The following DENND4A variants were observed in gnomAD, a reference collection of about 807,000 sequenced individuals.
The protein encoded by DENND4A is DENN domain containing 4A.
Under a neutral mutation model 199.3 loss-of-function variants are expected in DENND4A, and 70 were observed. The observed-to-expected ratio is 0.35, with a 90% CI of 0.29 to 0.43. The LOEUF is 0.43. Among genes scored for constraint, DENND4A ranks in the 20% least tolerant of loss-of-function variants. The probability of loss-of-function intolerance (pLI) is 1.00; values close to 1 mark genes in which losing one functional copy is unlikely to be tolerated. For missense variants in DENND4A, 1,723 were observed against 2,255.8 expected (o/e 0.76, Z 4.78); for synonymous variants, 686 against 766.9 (o/e 0.89, Z 1.74).
intron 1 of DENND4A, among the ~76,000 whole-genome samples, chr15:65,763,679 C>CA (rs11357605): frequency 0.037 from 3,227 of 86,634 alleles, 77 homozygotes; most frequent in Non-Finnish European, 0.052. Flanking sequence ...GACCTTGTCT[C>CA]AAAAAAAAAA....
At chr15:65,784,622 T>C (rs1329990969) in intron 1 of DENND4A, among the ~76,000 whole-genome samples, 1 of 152,178 alleles carries the variant, frequency 6.6e-6, no homozygotes, top group Non-Finnish European at 1.5e-5. Context: ...AAGGCATGTA[T>C]AGTGGGTTGG....
At chr15:65,725,021 C>T (rs1218079693) in intron 11 of DENND4A, among the ~76,000 whole-genome samples, 3 of 152,202 alleles carry the variant, frequency 2.0e-5, no homozygotes, top group Non-Finnish European at 4.4e-5. Flanking sequence ...CTGATCACAT[C>T]TAATTACTGT....
chr15:65,695,118 A>T (rs747792934), intron 22 of DENND4A, among the ~76,000 whole-genome samples: 8 of 152,210 alleles, frequency 5.3e-5, no homozygotes, highest in Non-Finnish European at 1.0e-4. Flanking sequence ...TTCTGTTACA[A>T]CAATTATCTA....
chr15:65,783,711 T>G (rs2077494207), intron 1 of DENND4A, among the ~76,000 whole-genome samples: 1 of 152,184 alleles, frequency 6.6e-6, no homozygotes, highest in East Asian at 1.9e-4. Flanking sequence ...TATGTCCTGT[T>G]GGTAGAAAAA....
chr15:65,704,082 G>C lies in DENND4A; in HGVS notation c.2088-1074C>G, dbSNP rs562754195. ...AAAATATTAGTAATGATTCAATGTT[G>C]AGTAGGAAACAGCAAAGAAATCCAG... On this transcript the variant is annotated intron_variant, in intron 15 of 32. Coordinates refer to ENST00000443035, the MANE Select transcript of DENND4A (RefSeq NM_001320835.1). Among the ~76,000 whole-genome samples the C allele has an allele frequency of 2.0e-5, 3 of 152,212 alleles. No individual in the cohort carries two copies. In the East Asian group the frequency reaches 5.8e-4, roughly 29 times the overall value.
Position 65,701,136 on chromosome 15 carries a change from T to C in DENND4A, c.2616A>G (p.Thr872=). ...SRSRSGYFLW[T]KVRNVVLGVT... is the part of the protein sequence containing the mutation. ...CTCCTAAAACAACATTTCTTACTTTTGTCCAAAGAAAATAGCCACTACGAC... is the reference window on the plus strand; with the variant it reads ...CTCCTAAAACAACATTTCTTACTTTCGTCCAAAGAAAATAGCCACTACGAC... The change falls in exon 19 of 33, where the codon ACA becomes ACG. Residue 872 remains threonine, a synonymous_variant. Coordinates refer to ENST00000443035, the MANE Select transcript of DENND4A (RefSeq NM_001320835.1). 1 of 1,610,614 alleles carries C rather than the reference T, an allele frequency of 6.2e-7. No individual in the cohort carries two copies. The highest frequency in any genetic ancestry group is 8.5e-7 in the Non-Finnish European group (1 of 1,178,626).
chr15:65,710,672 T>C (rs1309663959), intron 14 of DENND4A, among the ~76,000 whole-genome samples: 1 of 152,258 alleles, frequency 6.6e-6, no homozygotes, highest in Admixed American at 6.5e-5. Flanking sequence ...CAATATTTAA[T>C]TTTATAAGCA....
At chr15:65,662,093 A>T (rs1596372137) in intron 32 of DENND4A, 106 bp from the exon 33 acceptor site, 1 of 884,796 alleles carries the variant, frequency 1.1e-6, no homozygotes. Context: ...GAGGCCAAGA[A>T]GGAATTGCTA....
At chr15:65,747,156 T>C (rs1055591108) in intron 4 of DENND4A, among the ~76,000 whole-genome samples, 1 of 151,646 alleles carries the variant, frequency 6.6e-6, no homozygotes, top group African/African-American at 2.4e-5. Context: ...GGAGATAGTC[T>C]CAAATTTGCC....
chr15:65,690,798 G>A lies in DENND4A; in HGVS notation c.3796C>T (p.Arg1266Cys), dbSNP rs749613012. 9 of 1,613,222 alleles carry A rather than the reference G, an allele frequency of 5.6e-6. No individual in the cohort carries two copies. Among genetic ancestry groups the A allele is most frequent in the South Asian group, 2.2e-5 (2 of 91,054 alleles). ...MNNMSSPLTSRTPSIDLQRAC... is the reference protein window; with the variant it reads ...MNNMSSPLTSCTPSIDLQRAC... Reference sequence around the variant, plus strand: ...CGTTGTAAATCAATGCTTGGTGTACGACTTGTCAAAGGACTGCTCATGTTA... The same window carrying A: ...CGTTGTAAATCAATGCTTGGTGTACAACTTGTCAAAGGACTGCTCATGTTA... The change falls in exon 23 of 33, where the codon CGT (arginine) becomes TGT (cysteine). Residue 1266 changes from arginine (R) to cysteine (C), a missense_variant. By Grantham distance (180) the Arg-to-Cys change is radical. Around this residue, in one of 6 missense-constraint regions of DENND4A, gnomAD observed 650 missense variants for 738.1 expected, o/e 0.88. Transcript: ENST00000443035.
At chr15:65,685,131 ATT>A (rs755319285) in intron 23 of DENND4A, among the ~76,000 whole-genome samples, 6 of 136,410 alleles carry the variant, frequency 4.4e-5, no homozygotes, top group African/African-American at 1.3e-4. Context: ...CCCGCCCACA[ATT>A]TTTTTTTTTT....
Position 65,701,180 on chromosome 15 carries a change from T to C in DENND4A, c.2572A>G (p.Ser858Gly). ...YGYYNKAVLE[S>G]TWPSRSRSGY... is the part of the protein sequence containing the mutation. ...CTACGACTTCTTGAAGGCCAGGTACTTTCCAAAACAGCCTATTCATTCAAC... is the reference window on the plus strand; with the variant it reads ...CTACGACTTCTTGAAGGCCAGGTACCTTCCAAAACAGCCTATTCATTCAAC... Residue 858 changes from serine (S) to glycine (G), a missense_variant, in exon 19 of 33, where the codon AGT (serine) becomes GGT (glycine). Physicochemically the swap from Ser to Gly is moderately conservative, Grantham distance 56. Transcript: ENST00000443035. 6.3e-7 allele frequency: 1 copy of C among 1,585,112 alleles called. No homozygotes were observed. Among genetic ancestry groups the C allele is most frequent in the Non-Finnish European group, 8.5e-7 (1 of 1,171,414 alleles).
intron 2 of DENND4A, among the ~76,000 whole-genome samples, chr15:65,757,577 T>A (rs2076741417): frequency 1.3e-5 from 2 of 151,152 alleles, no homozygotes; most frequent in Admixed American, 6.6e-5. Flanking sequence ...AGCGGGGGAG[T>A]CTCCTCTGAG....
intron 24 of DENND4A, among the ~76,000 whole-genome samples, chr15:65,676,004 G>GA (rs200402722): frequency 6.6e-6 from 1 of 151,650 alleles, no homozygotes; most frequent in Non-Finnish European, 1.5e-5. Context: ...CTATATAGCT[G>GA]AAAAAATGAA....
intron 23 of DENND4A, among the ~76,000 whole-genome samples, chr15:65,686,556 C>A (rs2076789231): frequency 6.6e-6 from 1 of 152,134 alleles, no homozygotes; most frequent in African/African-American, 2.4e-5. Context: ...TCCTGATGAA[C>A]TGTTTCTTAT....
At chr15:65,674,419 A>G (rs2076308578) in intron 24 of DENND4A, among the ~76,000 whole-genome samples, 2 of 152,200 alleles carry the variant, frequency 1.3e-5, no homozygotes, top group Admixed American at 1.3e-4. Flanking sequence ...TTGTTTCTTG[A>G]GCTGAGTGCT....
intron 3 of DENND4A, among the ~76,000 whole-genome samples, chr15:65,754,823 G>A (rs772329650): frequency 6.6e-6 from 1 of 152,192 alleles, no homozygotes; most frequent in Non-Finnish European, 1.5e-5. Flanking sequence ...ATGCAATATG[G>A]TACAGTTTGC....
At chr15:65,743,073 T>C (rs928959503) in intron 4 of DENND4A, among the ~76,000 whole-genome samples, 1 of 152,194 alleles carries the variant, frequency 6.6e-6, no homozygotes, top group African/African-American at 2.4e-5. Context: ...CCACCCCTAG[T>C]ACCCTGGATT....
At chr15:65,666,798 AAT>A (rs1185479391) in intron 29 of DENND4A, among the ~76,000 whole-genome samples, 2 of 145,492 alleles carry the variant, frequency 1.4e-5, no homozygotes, top group African/African-American at 5.2e-5. Flanking sequence ...AAAAAAAAAA[AAT>A]TAGGCTTGTT....
Sources: gnomAD v4.1 joint callset for allele counts (sites outside exome capture counted in the v4.1 genomes callset) on GRCh38, gnomAD v4.1.1 for gene constraint, gnomAD v4.1.1 regional missense constraint, MANE v1.5 for transcripts, NCBI Gene and HGNC (gene_info 2026-07-23, HGNC 2026-07-21) for gene names.